The following AKIRIN2 variants were observed in gnomAD, a reference collection of about 807,000 sequenced individuals.
AKIRIN2 encodes akirin 2.
A neutral mutation model predicts 29.3 loss-of-function variants in AKIRIN2; 6 were observed. The observed-to-expected ratio is 0.20, with a 90% CI of 0.11 to 0.40. The LOEUF is 0.40. AKIRIN2 is among the 10% of genes least tolerant of loss of function. AKIRIN2 has a pLI of 1.00. For synonymous variants in AKIRIN2, 128 were observed against 117.5 expected (o/e 1.09, Z -0.58); for missense variants, 210 against 276.1 (o/e 0.76, Z 1.70).
intron 1 of AKIRIN2, among the ~76,000 whole-genome samples, chr6:87,695,788 T>A (rs114934984): frequency 0.02 from 2,985 of 152,318 alleles, 95 homozygotes; most frequent in African/African-American, 0.068. Context: ...ATAGGAAAGA[T>A]ACTCACAACT....
rs1582129109 is a variant in AKIRIN2 at position 87,702,113 on chromosome 6, T to G, written c.-429A>C. The G allele has an allele frequency of 2.5e-6, 1 of 399,138 alleles. No homozygotes were observed. Among genetic ancestry groups the G allele is most frequent in the African/African-American group, 2.1e-5 (1 of 48,768 alleles). 24.7% of individuals were successfully genotyped at this position (399,138 alleles called of 1,614,324 possible). A position where few individuals can be genotyped will look rare whatever the true frequency, so the allele number is the denominator to read the frequency against. Reference sequence around the variant, plus strand: ...TGTGAGGCTGGAACGCGGCTCCTAATACGCCCGAGTACGGTCAGTAGCTTG... The same window carrying G: ...TGTGAGGCTGGAACGCGGCTCCTAAGACGCCCGAGTACGGTCAGTAGCTTG... On this transcript the variant is annotated 5_prime_UTR_variant, in exon 1 of 5. Coordinates refer to ENST00000257787, the MANE Select transcript of AKIRIN2 (RefSeq NM_018064.4).
intron 1 of AKIRIN2, among the ~76,000 whole-genome samples, chr6:87,688,085 T>C (rs1391331754): frequency 2.6e-5 from 4 of 152,018 alleles, no homozygotes; most frequent in Admixed American, 6.6e-5. Flanking sequence ...TGAGCTACAA[T>C]AGCGCCACTG....
At chr6:87,687,674 T>C (rs1184339090) in intron 1 of AKIRIN2, among the ~76,000 whole-genome samples, 2 of 152,208 alleles carry the variant, frequency 1.3e-5, no homozygotes. Context: ...TAGCCAATGA[T>C]TACTTATTTG....
At chr6:87,676,798 C>T (rs1262517108) in intron 3 of AKIRIN2, among the ~76,000 whole-genome samples, 1 of 148,950 alleles carries the variant, frequency 6.7e-6, no homozygotes, top group Admixed American at 6.7e-5. Flanking sequence ...AACAATTGGC[C>T]GGGCATGGTG....
intron 2 of AKIRIN2, among the ~76,000 whole-genome samples, chr6:87,679,614 T>G (rs1771086298): frequency 6.6e-6 from 1 of 152,214 alleles, no homozygotes; most frequent in East Asian, 1.9e-4. Flanking sequence ...TAACAACAAT[T>G]CGCATGGAAA....
intron 1 of AKIRIN2, among the ~76,000 whole-genome samples, chr6:87,694,519 G>A (rs1019959493): frequency 2.6e-5 from 4 of 152,074 alleles, no homozygotes; most frequent in African/African-American, 4.8e-5. Context: ...ATAAGGGTTC[G>A]AACAAGTGAC....
At chr6:87,693,757 C>T (rs1771316089) in intron 1 of AKIRIN2, among the ~76,000 whole-genome samples, 1 of 151,428 alleles carries the variant, frequency 6.6e-6, no homozygotes, top group African/African-American at 2.4e-5. Flanking sequence ...AGAATTATTC[C>T]AAGTTGATAG....
intron 1 of AKIRIN2, among the ~76,000 whole-genome samples, chr6:87,682,224 T>C (rs1046334828): frequency 3.9e-5 from 6 of 152,174 alleles, no homozygotes; most frequent in African/African-American, 1.4e-4. Flanking sequence ...CACAACAGTC[T>C]GAAGTGATAA....
intron 1 of AKIRIN2, among the ~76,000 whole-genome samples, chr6:87,684,992 A>G (rs1261076560): frequency 6.6e-6 from 1 of 152,184 alleles, no homozygotes; most frequent in East Asian, 1.9e-4. Flanking sequence ...TCCTACCATA[A>G]AAGTATTACA....
Position 87,701,815 on chromosome 6 carries a change from C to T in AKIRIN2, c.-131G>A. 1 of 592,534 alleles carries T rather than the reference C, an allele frequency of 1.7e-6. No homozygotes were observed. Among genetic ancestry groups the T allele is most frequent in the Non-Finnish European group, 2.6e-6 (1 of 384,802 alleles). The allele number at this position is 592,534 out of a possible 1,614,324, so 36.7% of individuals were successfully genotyped here. A position where few individuals can be genotyped will look rare whatever the true frequency, so the allele number is the denominator to read the frequency against. On this transcript the variant is annotated 5_prime_UTR_variant, in exon 1 of 5. Transcript: ENST00000257787. Reference sequence around the variant, plus strand: ...CGACGGGCTCAGGAGCCAAGCGGGTCGCGGAGCGCCGGCTGTGGAAAGGAG... The same window carrying T: ...CGACGGGCTCAGGAGCCAAGCGGGTTGCGGAGCGCCGGCTGTGGAAAGGAG...
intron 1 of AKIRIN2, 31 bp from the exon 2 acceptor site, chr6:87,681,794 TA>T: frequency 6.6e-7 from 1 of 1,519,940 alleles, no homozygotes; most frequent in Non-Finnish European, 8.9e-7. Flanking sequence ...TTTGGCAAGA[TA>T]AAAACTTTCA....
intron 1 of AKIRIN2, among the ~76,000 whole-genome samples, chr6:87,700,228 G>A (rs1265726412): frequency 6.7e-6 from 1 of 149,890 alleles, no homozygotes; most frequent in East Asian, 1.9e-4. Context: ...GCATATTCGA[G>A]GGTCACTCCA....
intron 1 of AKIRIN2, among the ~76,000 whole-genome samples, chr6:87,692,260 T>C (rs1467553044): frequency 6.6e-6 from 1 of 152,236 alleles, no homozygotes; most frequent in Non-Finnish European, 1.5e-5. Flanking sequence ...GGTTGCCTTC[T>C]TGAGACCATT....
At chr6:87,694,805 C>T (rs1041921997) in intron 1 of AKIRIN2, among the ~76,000 whole-genome samples, 3 of 152,114 alleles carry the variant, frequency 2.0e-5, no homozygotes, top group African/African-American at 7.2e-5. Context: ...CAAAGCCTAC[C>T]ATCACAAGAA....
Position 87,681,470 on chromosome 6 carries a change from T to C in AKIRIN2, c.379+150A>G, listed in dbSNP as rs370136919. On this transcript the variant is annotated intron_variant, in intron 2 of 4. Transcript: ENST00000257787. The stretch of plus-strand genomic sequence containing the variant: ...AGTGGTAACTCCTTATTTTGTACCA[T>C]ATTATTTTTTAAGATGTCATGCATT... The C allele has an allele frequency of 1.1e-5, 8 of 761,622 alleles. No individual in the cohort carries two copies. The East Asian group carries it at 1.2e-4, about 11-fold the overall frequency. 47.2% of individuals were successfully genotyped at this position (761,622 alleles called of 1,614,324 possible).
At chr6:87,676,139 T>C (rs1770972002) in intron 3 of AKIRIN2, among the ~76,000 whole-genome samples, 1 of 148,438 alleles carries the variant, frequency 6.7e-6, no homozygotes, top group Admixed American at 6.9e-5. Flanking sequence ...TGACCTGACA[T>C]AAAGGCTAGG....
At chr6:87,676,779 T>TAA (rs927940404) in intron 3 of AKIRIN2, among the ~76,000 whole-genome samples, 1 of 122,072 alleles carries the variant, frequency 8.2e-6, no homozygotes, top group Non-Finnish European at 1.8e-5. Context: ...GACTCCATCT[T>TAA]AAAAAAAAAA....
chr6:87,696,111 C>G (rs1370905888), intron 1 of AKIRIN2, among the ~76,000 whole-genome samples: 2 of 152,040 alleles, frequency 1.3e-5, no homozygotes, highest in Non-Finnish European at 2.9e-5. Flanking sequence ...GCCCAGGAGG[C>G]AGATTGCAGT....
At position 87,677,780 on chromosome 6, in the gene AKIRIN2, C is replaced by T. The variant is rs1027747779; in HGVS notation, c.529+38G>A. The T allele has an allele frequency of 3.8e-6, 6 of 1,596,956 alleles. No individual in the cohort carries two copies. The African/African-American group carries it at 4.0e-5, about 11-fold the overall frequency. On this transcript the variant is annotated intron_variant, in intron 3 of 4. Coordinates refer to ENST00000257787, the MANE Select transcript of AKIRIN2 (RefSeq NM_018064.4). ...CACGTGGAAAATGCATTTCACACAA[C>T]TGAGTTCCTCAGAAACTCTAATAAA...
Sources: allele counts gnomAD v4.1 joint callset (sites outside exome capture counted in the v4.1 genomes callset), GRCh38; gene constraint gnomAD v4.1.1; transcripts MANE v1.5; gene names NCBI Gene and HGNC (gene_info 2026-07-23, HGNC 2026-07-21).